Variants in TEAD1 observed in about 807,000 individuals in gnomAD.
TEAD1 encodes the protein transcriptional enhancer factor TEF-1.
In TEAD1, 9 loss-of-function variants were observed where a neutral mutation model predicts 54.9. That is an observed-to-expected ratio of 0.16 (90% CI 0.10 to 0.29). TEAD1 has a LOEUF of 0.29. Ranked by LOEUF, TEAD1 falls within the 10% of genes least tolerant of loss-of-function variation. The pLI is 1.00. For missense variants in TEAD1, 387 were observed against 535.9 expected (o/e 0.72, Z 2.74); for synonymous variants, 200 against 187.8 (o/e 1.07, Z -0.53).
At chr11:12,722,536 A>G (rs774723629) in intron 2 of TEAD1, among the ~76,000 whole-genome samples, 1 of 152,178 alleles carries the variant, frequency 6.6e-6, no homozygotes, top group Admixed American at 6.5e-5. Flanking sequence ...CTCTAGGGCT[A>G]GGTTTTGGTC....
chr11:12,911,605 A>G (rs1255415244), intron 10 of TEAD1, among the ~76,000 whole-genome samples: 1 of 152,178 alleles, frequency 6.6e-6, no homozygotes, highest in Non-Finnish European at 1.5e-5. Flanking sequence ...GATTAGTGAG[A>G]AGTATCACGA....
chr11:12,761,171 A>G (rs1945095827), intron 2 of TEAD1, among the ~76,000 whole-genome samples: 1 of 152,236 alleles, frequency 6.6e-6, no homozygotes, highest in South Asian at 2.1e-4. Context: ...TTAATACTAC[A>G]TTCCCCCAAA....
intron 2 of TEAD1, among the ~76,000 whole-genome samples, chr11:12,729,623 G>T (rs992778609): frequency 2.0e-5 from 3 of 152,190 alleles, no homozygotes; most frequent in African/African-American, 7.2e-5. Flanking sequence ...ATATTGTGTG[G>T]TATGATAAAT....
At chr11:12,784,443 A>T (rs976794170) in intron 3 of TEAD1, among the ~76,000 whole-genome samples, 1 of 152,216 alleles carries the variant, frequency 6.6e-6, no homozygotes, top group African/African-American at 2.4e-5. Context: ...CTGGAAGTGG[A>T]TAAGCTTGTC....
chr11:12,726,408 A>G (rs1236709441), intron 2 of TEAD1, among the ~76,000 whole-genome samples: 1 of 152,210 alleles, frequency 6.6e-6, no homozygotes, highest in African/African-American at 2.4e-5. Context: ...AAATGCATGT[A>G]AGAAGTGGTT....
chr11:12,837,685 TC>T (rs1946924843), intron 3 of TEAD1, among the ~76,000 whole-genome samples: 10 of 148,530 alleles, frequency 6.7e-5, no homozygotes, highest in African/African-American at 2.5e-4. Context: ...TCCTTCTTTC[TC>T]CCTTCTCCCT....
At chr11:12,684,945 A>G (rs1213712371) in intron 2 of TEAD1, among the ~76,000 whole-genome samples, 2 of 152,220 alleles carry the variant, frequency 1.3e-5, no homozygotes, top group South Asian at 2.1e-4. Flanking sequence ...CTTCCTGGGT[A>G]GATGAGCTGA....
intron 3 of TEAD1, among the ~76,000 whole-genome samples, chr11:12,764,932 T>A (rs1326669020): frequency 1.3e-5 from 2 of 151,022 alleles, no homozygotes. Context: ...AGCACTTTTT[T>A]TTTTTTAAAA....
chr11:12,735,717 T>C (rs750437921), intron 2 of TEAD1, among the ~76,000 whole-genome samples: 1 of 152,148 alleles, frequency 6.6e-6, no homozygotes, highest in Admixed American at 6.5e-5. Context: ...CCATGATTTC[T>C]ATACATATAT....
At chr11:12,712,306 A>G (rs1199102881) in intron 2 of TEAD1, among the ~76,000 whole-genome samples, 3 of 151,796 alleles carry the variant, frequency 2.0e-5, no homozygotes, top group Non-Finnish European at 4.4e-5. Context: ...TCTTCCTACC[A>G]CTCTGACTAT....
chr11:12,877,659 C>CAA (rs112123980), intron 5 of TEAD1, among the ~76,000 whole-genome samples: 1 of 141,560 alleles, frequency 7.1e-6, no homozygotes, highest in African/African-American at 2.6e-5. Context: ...AACTCCATCT[C>CAA]AAAAAAAAAA....
At chr11:12,906,097 T>C (rs1948513368) in intron 10 of TEAD1, among the ~76,000 whole-genome samples, 2 of 152,116 alleles carry the variant, frequency 1.3e-5, no homozygotes, top group African/African-American at 4.8e-5. Flanking sequence ...CCAGCATGAG[T>C]ACCCCTCTAC....
intron 3 of TEAD1, among the ~76,000 whole-genome samples, chr11:12,821,887 C>CCTCTGCCTTAGA (rs1590184702): frequency 1.3e-5 from 2 of 151,388 alleles, no homozygotes; most frequent in Admixed American, 6.6e-5. Flanking sequence ...GTCTGCCTCC[C>CCTCTGCCTTAGA]CTCTGCCTTA....
At chr11:12,697,326 G>T (rs1024080383) in intron 2 of TEAD1, among the ~76,000 whole-genome samples, 20 of 152,194 alleles carry the variant, frequency 1.3e-4, no homozygotes, top group African/African-American at 4.8e-4. Flanking sequence ...GGATTATATA[G>T]CAAATGCCTT....
At chr11:12,923,525 T>G (rs1425028658) in intron 10 of TEAD1, among the ~76,000 whole-genome samples, 1 of 152,184 alleles carries the variant, frequency 6.6e-6, no homozygotes, top group East Asian at 1.9e-4. Context: ...TATCCGCAGC[T>G]CTGAGCATTG....
chr11:12,886,713 C>T (rs1197076359), intron 9 of TEAD1, among the ~76,000 whole-genome samples: 1 of 151,780 alleles, frequency 6.6e-6, no homozygotes, highest in Non-Finnish European at 1.5e-5. Context: ...CCAGGCTGGC[C>T]TCAAACTCCT....
intron 3 of TEAD1, among the ~76,000 whole-genome samples, chr11:12,840,682 C>T (rs1564959560): frequency 6.6e-6 from 1 of 152,050 alleles, no homozygotes; most frequent in Non-Finnish European, 1.5e-5. Flanking sequence ...CTGAAGGGGC[C>T]CCATTCCTAT....
At chr11:12,727,115 C>G (rs1259297065) in intron 2 of TEAD1, among the ~76,000 whole-genome samples, 1 of 152,156 alleles carries the variant, frequency 6.6e-6, no homozygotes, top group African/African-American at 2.4e-5. Context: ...TGGTGCACGC[C>G]TGTAGTCCCA....
intron 4 of TEAD1, among the ~76,000 whole-genome samples, chr11:12,862,943 C>T (rs1293264750): frequency 6.6e-6 from 1 of 151,836 alleles, no homozygotes; most frequent in Non-Finnish European, 1.5e-5. Flanking sequence ...AGATGTAAAA[C>T]AGCCCAAATC....
Sources: gnomAD v4.1 joint callset for allele counts (sites outside exome capture counted in the v4.1 genomes callset) on GRCh38, gnomAD v4.1.1 for gene constraint, MANE v1.5 for transcripts, NCBI Gene and HGNC (gene_info 2026-07-23, HGNC 2026-07-21) for gene names.